PRKX: variants seen among roughly 807,000 people sequenced by gnomAD.
PRKX encodes the protein cAMP-dependent protein kinase catalytic subunit PRKX.
In PRKX, 12 loss-of-function variants were observed where a neutral mutation model predicts 22.0. That is an observed-to-expected ratio of 0.54 (90% CI 0.35 to 0.88). The LOEUF (loss-of-function observed/expected upper bound fraction) is 0.88. Ranked by LOEUF, PRKX falls within the 40% of genes least tolerant of loss-of-function variation. The pLI is 0.01. For missense variants in PRKX, 217 were observed against 308.0 expected, an observed-to-expected ratio of 0.70 and a Z score of 2.21; for synonymous variants, 134 against 137.7, an observed-to-expected ratio of 0.97 and a Z score of 0.19.
intron 3 of PRKX, among the ~76,000 whole-genome samples, chrX:3,647,017 C>T (rs979861001): frequency 9.0e-6 from 1 of 110,680 alleles, no homozygotes; most frequent in Non-Finnish European, 1.9e-5. Flanking sequence ...TCAGGCCCTC[C>T]TTGACTTCCG....
chrX:3,639,491 A>G (rs1479398114), intron 4 of PRKX, among the ~76,000 whole-genome samples: 3 of 14,556 alleles, frequency 2.1e-4, no homozygotes, highest in East Asian at 3.4e-3. Context: ...GGGGTGGGGG[A>G]GTGGGTACAT....
intron 1 of PRKX, among the ~76,000 whole-genome samples, chrX:3,691,764 T>C (rs1928329849): frequency 9.0e-6 from 1 of 111,470 alleles, no homozygotes; most frequent in Non-Finnish European, 1.9e-5. Flanking sequence ...TGGAGCTGAA[T>C]TGCCATTGGC....
intron 2 of PRKX, among the ~76,000 whole-genome samples, chrX:3,656,253 T>C (rs1287202461): frequency 9.0e-6 from 1 of 111,089 alleles, no homozygotes; most frequent in Non-Finnish European, 1.9e-5. Context: ...TATATGGACA[T>C]AGATGTTAGA....
intron 1 of PRKX, among the ~76,000 whole-genome samples, chrX:3,686,996 A>T (rs948084856): frequency 5.4e-5 from 6 of 111,715 alleles, no homozygotes; most frequent in Admixed American, 2.9e-4. Context: ...CTCCACTTGG[A>T]CTTACTTTTA....
chrX:3,620,851 T>A (rs1425325428), intron 6 of PRKX, among the ~76,000 whole-genome samples: 1 of 112,010 alleles, frequency 8.9e-6, no homozygotes, highest in Non-Finnish European at 1.9e-5. Flanking sequence ...CTGTACATAA[T>A]CGTGTGTATA....
rs187567568 is a variant in PRKX at position 3,691,361 on chromosome X, C to A, written c.167-16595G>T. 4.3e-3 allele frequency among the ~76,000 whole-genome samples: 474 copies of A among 111,380 alleles called. 1 individual carries two copies. Among genetic ancestry groups the A allele is most frequent in the South Asian group, 0.016 (41 of 2,613 alleles). On this transcript the variant is annotated intron_variant, in intron 1 of 8. Coordinates refer to ENST00000262848, the MANE Select transcript of PRKX (RefSeq NM_005044.5). The stretch of plus-strand genomic sequence containing the variant: ...TCAAGGAATGTAAAACGATGGAACA[C>A]AGATAAGCCTCTCTGGGCATAGAGG...
At chrX:3,652,341 T>C (rs1317162002) in intron 3 of PRKX, among the ~76,000 whole-genome samples, 4 of 105,607 alleles carry the variant, frequency 3.8e-5, no homozygotes, top group Admixed American at 1.0e-4. Context: ...TGGCGTGAAC[T>C]CGGGAGGCAG....
chrX:3,677,326 T>C (rs1239910707), intron 1 of PRKX, among the ~76,000 whole-genome samples: 1 of 51,649 alleles, frequency 1.9e-5, no homozygotes, highest in Admixed American at 1.5e-4. Flanking sequence ...TATTGTTTTG[T>C]CTTTTTTTTT....
chrX:3,650,176 T>C (rs181873592), intron 3 of PRKX, among the ~76,000 whole-genome samples: 1 of 110,019 alleles, frequency 9.1e-6, no homozygotes, highest in African/African-American at 3.3e-5. Flanking sequence ...GAAATTCATG[T>C]AGTGAGTAGA....
chrX:3,615,755 G>A, intron 7 of PRKX, 60 bp downstream of exon 7: 1 of 935,674 alleles, frequency 1.1e-6, no homozygotes, highest in Non-Finnish European at 1.5e-6. Flanking sequence ...GGATTCAGAG[G>A]CAGTCCCTGC....
In PRKX at chrX:3,615,872, C is replaced by G; in HGVS notation, c.894G>C (p.Lys298Asn). 8.3e-7 allele frequency: 1 copy of G among 1,208,222 alleles called. No homozygotes were observed. The highest frequency in any genetic ancestry group is 1.1e-6 in the Non-Finnish European group (1 of 893,444). ...GNMKNGANDVKHHRWFRSVDW... is the reference protein window; with the variant it reads ...GNMKNGANDVNHHRWFRSVDW... ...CCACGGAGCGGAACCACCGATGATG[C>G]TTCACATCATTCGCCCCGTTCTTCA... Residue 298 changes from lysine to asparagine, a missense_variant, in exon 7 of 9, where the codon AAG becomes AAC. Coordinates refer to ENST00000262848, the MANE Select transcript of PRKX (RefSeq NM_005044.5).
chrX:3,633,711 G>A (rs1270668775), intron 4 of PRKX, among the ~76,000 whole-genome samples: 1 of 111,569 alleles, frequency 9.0e-6, no homozygotes, highest in Non-Finnish European at 1.9e-5. Flanking sequence ...GGCGCTGTGA[G>A]CTGATGTTCT....
At chrX:3,685,874 T>C (rs1418631052) in intron 1 of PRKX, among the ~76,000 whole-genome samples, 2 of 111,868 alleles carry the variant, frequency 1.8e-5, no homozygotes, top group East Asian at 5.6e-4. Flanking sequence ...GGTGAAACCC[T>C]GTCTCTACAA....
intron 1 of PRKX, among the ~76,000 whole-genome samples, chrX:3,689,095 T>A (rs768600612): frequency 1.7e-4 from 19 of 112,340 alleles, no homozygotes; most frequent in Non-Finnish European, 2.1e-4. Context: ...CAACATAGGT[T>A]CAATTTATGT....
chrX:3,701,183 A>G (rs1209514664), intron 1 of PRKX, among the ~76,000 whole-genome samples: 3 of 109,755 alleles, frequency 2.7e-5, no homozygotes, highest in Admixed American at 9.8e-5. Flanking sequence ...ATCATAGCTC[A>G]CTGCAGCCTC....
In PRKX at chrX:3,693,366, G is replaced by A. The variant is rs73440560; in HGVS notation, c.167-18600C>T. Among the ~76,000 whole-genome samples the A allele has an allele frequency of 3.2e-3, 353 of 111,589 alleles. 1 individual carries two copies. The highest frequency in any genetic ancestry group is 0.011 in the African/African-American group (328 of 30,753). ...AAAGTCCTGTTCATAAGGTGCTTGG[G>A]CAGAGAATGGGCTCAATTAGGCTGC... is the stretch of plus-strand genomic sequence containing the variant. On this transcript the variant is annotated intron_variant, in intron 1 of 8. Transcript: ENST00000262848.
intron 1 of PRKX, among the ~76,000 whole-genome samples, chrX:3,710,630 TC>T (rs1928770736): frequency 8.9e-6 from 1 of 111,787 alleles, no homozygotes; most frequent in East Asian, 2.8e-4. Context: ...TGCCTCGGCC[TC>T]CCAAAGTGCT....
chrX:3,665,158 T>TTGTG (rs910141418), intron 2 of PRKX, among the ~76,000 whole-genome samples: 7 of 111,318 alleles, frequency 6.3e-5, no homozygotes, highest in African/African-American at 2.3e-4. Context: ...GTGTGTGTGC[T>TTGTG]TGTGTGTGTG....
chrX:3,615,161 A>G lies in PRKX; in HGVS notation c.951+654T>C, dbSNP rs1332175497. On this transcript the variant is annotated intron_variant, in intron 7 of 8. Transcript: ENST00000262848. ...AGCCTCCCAAGTAGCTGGTACCACA[A>G]GCATATGCCACCACGCCTGGCTAAT... Among the ~76,000 whole-genome samples, 5 of 108,542 alleles carry G rather than the reference A, an allele frequency of 4.6e-5. 1 individual carries two copies. Among genetic ancestry groups the G allele is most frequent in the Non-Finnish European group, 9.5e-5 (5 of 52,401 alleles). 94.3% of individuals were successfully genotyped at this position (108,542 alleles called of 115,157 possible).
Sources: gnomAD v4.1 joint callset for allele counts (sites outside exome capture counted in the v4.1 genomes callset) on GRCh38, gnomAD v4.1.1 for gene constraint, MANE v1.5 for transcripts, NCBI Gene and HGNC (gene_info 2026-07-23, HGNC 2026-07-21) for gene names.